The following KAT6B variants were observed in gnomAD, a reference collection of about 807,000 sequenced individuals.
KAT6B encodes histone acetyltransferase KAT6B.
Under a neutral mutation model 187.5 loss-of-function variants are expected in KAT6B, and 10 were observed. That is an observed-to-expected ratio of 0.05 (90% CI 0.03 to 0.09). The LOEUF (loss-of-function observed/expected upper bound fraction) is 0.09, where lower values mean the gene tolerates loss of function less well. Among genes scored for constraint, KAT6B ranks in the 10% least tolerant of loss-of-function variants. The pLI is 1.00. For missense variants in KAT6B, 1,952 were observed against 2,558.9 expected (o/e 0.76, Z 5.12); for synonymous variants, 861 against 926.8 (o/e 0.93, Z 1.29).
At chr10:74,854,344 T>C (rs1326853870) in intron 3 of KAT6B, among the ~76,000 whole-genome samples, 1 of 152,242 alleles carries the variant, frequency 6.6e-6, no homozygotes, top group Non-Finnish European at 1.5e-5. Flanking sequence ...ACTGTACATA[T>C]GCCTCTGCTT....
intron 3 of KAT6B, among the ~76,000 whole-genome samples, chr10:74,843,760 T>C (rs1841911651): frequency 6.6e-6 from 1 of 152,206 alleles, no homozygotes; most frequent in Non-Finnish European, 1.5e-5. Context: ...AGGATAATAT[T>C]GATCTTTCTT....
chr10:74,934,205 A>AAAG (rs10687961), intron 3 of KAT6B, among the ~76,000 whole-genome samples: 1 of 150,900 alleles, frequency 6.6e-6, no homozygotes, highest in South Asian at 2.1e-4. Flanking sequence ...AAAAAAAAAA[A>AAAG]GCCTACAATC....
chr10:74,911,248 T>A (rs1036457227), intron 3 of KAT6B, among the ~76,000 whole-genome samples: 4 of 152,036 alleles, frequency 2.6e-5, no homozygotes, highest in Non-Finnish European at 5.9e-5. Context: ...TCACTCACTT[T>A]AAACCTTAGT....
chr10:74,909,403 G>A (rs990451642), intron 3 of KAT6B, among the ~76,000 whole-genome samples: 3 of 152,146 alleles, frequency 2.0e-5, no homozygotes, highest in African/African-American at 7.2e-5. Flanking sequence ...GTAAGGCAAG[G>A]CCTTTTCCCT....
intron 4 of KAT6B, among the ~76,000 whole-genome samples, chr10:74,965,298 C>T (rs1196595809): frequency 1.3e-5 from 2 of 152,206 alleles, no homozygotes; most frequent in African/African-American, 2.4e-5. Flanking sequence ...TCTTTTGGGT[C>T]TCTTTTTTAG....
chr10:74,890,157 G>A (rs1845549597), intron 3 of KAT6B, among the ~76,000 whole-genome samples: 1 of 151,950 alleles, frequency 6.6e-6, no homozygotes, highest in South Asian at 2.1e-4. Context: ...TCCTGCCTCA[G>A]CCTCCCCAGT....
chr10:74,873,533 G>C (rs979055963), intron 3 of KAT6B, among the ~76,000 whole-genome samples: 9 of 152,166 alleles, frequency 5.9e-5, no homozygotes, highest in Admixed American at 1.3e-4. Flanking sequence ...GGGAGCTATA[G>C]AGGAGCAAGG....
At chr10:74,898,448 C>T (rs4745759) in intron 3 of KAT6B, among the ~76,000 whole-genome samples, 45,882 of 151,784 alleles carry the variant, frequency 0.3, 12,293 homozygotes, top group African/African-American at 0.71. Context: ...TGCCTTCTTT[C>T]TACAATTTTT....
At chr10:75,024,042 G>A (rs961274762) in intron 16 of KAT6B, 33 of 151,812 alleles carry the variant, frequency 2.2e-4, no homozygotes, top group African/African-American at 8.0e-4. Context: ...CTTTTTTGCT[G>A]GGCGAAAAAC....
intron 3 of KAT6B, among the ~76,000 whole-genome samples, chr10:74,958,480 A>T (rs1254511756): frequency 1.3e-5 from 2 of 152,224 alleles, no homozygotes; most frequent in Non-Finnish European, 2.9e-5. Context: ...TAACATTCAG[A>T]TGGCTAGCAG....
chr10:74,952,347 G>A (rs1290117789), intron 3 of KAT6B, among the ~76,000 whole-genome samples: 1 of 151,892 alleles, frequency 6.6e-6, no homozygotes, highest in African/African-American at 2.4e-5. Flanking sequence ...AAAGTGAGTG[G>A]TGTCTCCTAA....
intron 3 of KAT6B, among the ~76,000 whole-genome samples, chr10:74,851,333 ATTT>A (rs1212836217): frequency 1.6e-5 from 2 of 128,310 alleles, no homozygotes; most frequent in Admixed American, 8.0e-5. Flanking sequence ...GATAAGAATG[ATTT>A]TTTTTTTTTT....
chr10:74,934,004 G>C (rs979768783), intron 3 of KAT6B, among the ~76,000 whole-genome samples: 1 of 152,008 alleles, frequency 6.6e-6, no homozygotes, highest in Non-Finnish European at 1.5e-5. Context: ...TGGCCAGCAT[G>C]ATGAAACCCT....
chr10:74,943,951 A>G (rs1849892279), intron 3 of KAT6B, among the ~76,000 whole-genome samples: 1 of 152,240 alleles, frequency 6.6e-6, no homozygotes, highest in Non-Finnish European at 1.5e-5. Context: ...TTACAACTGA[A>G]TAAGACAAAC....
At chr10:74,870,572 A>G (rs1369639147) in intron 3 of KAT6B, among the ~76,000 whole-genome samples, 3 of 152,150 alleles carry the variant, frequency 2.0e-5, no homozygotes, top group Non-Finnish European at 4.4e-5. Context: ...TAAATTGTCT[A>G]TTGAAAGAGT....
chr10:74,857,581 A>G (rs1340700197), intron 3 of KAT6B, among the ~76,000 whole-genome samples: 2 of 152,220 alleles, frequency 1.3e-5, no homozygotes, highest in African/African-American at 2.4e-5. Flanking sequence ...GGTTCTGGGC[A>G]TTAGGAAGTA....
At chr10:74,982,830 A>C (rs539806204) in intron 11 of KAT6B, 2 of 152,386 alleles carry the variant, frequency 1.3e-5, no homozygotes, top group Admixed American at 1.3e-4. Flanking sequence ...CTTTCTCTGG[A>C]ATATAGTTTC....
At chr10:74,980,233 G>C (rs1000495387) in intron 10 of KAT6B, among the ~76,000 whole-genome samples, 1 of 152,176 alleles carries the variant, frequency 6.6e-6, no homozygotes, top group Admixed American at 6.5e-5. Context: ...ATTAGCCTGT[G>C]AACGAATATA....
At chr10:74,834,944 T>C (rs1261831130) in intron 1 of KAT6B, among the ~76,000 whole-genome samples, 1 of 152,228 alleles carries the variant, frequency 6.6e-6, no homozygotes, top group Non-Finnish European at 1.5e-5. Context: ...CCTTCATTCA[T>C]TCCCCGATAC....
Sources: allele counts gnomAD v4.1 joint callset (sites outside exome capture counted in the v4.1 genomes callset), GRCh38; gene constraint gnomAD v4.1.1; transcripts MANE v1.5; gene names NCBI Gene and HGNC (gene_info 2026-07-23, HGNC 2026-07-21).